PCDHGA11: variants seen among roughly 807,000 people sequenced by gnomAD.
PCDHGA11 encodes the protein protocadherin gamma subfamily A, 11, also known as protocadherin gamma-A11.
A neutral mutation model predicts 60.4 loss-of-function variants in PCDHGA11; 39 were observed. That is an observed-to-expected ratio of 0.65 (90% CI 0.50 to 0.84). The LOEUF (loss-of-function observed/expected upper bound fraction) is 0.84, where lower values mean the gene tolerates loss of function less well. PCDHGA11 is among the 40% of genes least tolerant of loss of function. PCDHGA11 has a pLI of 0.00. For synonymous variants in PCDHGA11, 533 were observed against 510.3 expected, an observed-to-expected ratio of 1.04 and a Z score of -0.60; for missense variants, 1,165 against 1,197.7, an observed-to-expected ratio of 0.97 and a Z score of 0.40.
intron 1 of PCDHGA11, among the ~76,000 whole-genome samples, chr5:141,462,203 G>A (rs544238255): frequency 2.6e-5 from 4 of 152,036 alleles, no homozygotes; most frequent in East Asian, 1.9e-4. Flanking sequence ...CAGGTGATCC[G>A]CCTGCCTCGG....
In PCDHGA11 at chr5:141,430,937, G is replaced by C. The variant is rs888990395; in HGVS notation, c.2433+7277G>C. ...CCTGGGGCTGGAGCCCCGGGAGCTC[G>C]CGGAGCGCGGAGTCCGCATCATCCC... On this transcript the variant is annotated intron_variant, in intron 1 of 3. Coordinates refer to ENST00000398587, the MANE Select transcript of PCDHGA11 (RefSeq NM_018914.3). The C allele has an allele frequency of 8.7e-6, 14 of 1,607,498 alleles. No individual in the cohort carries two copies. The highest frequency in any genetic ancestry group is 1.7e-5 in the Admixed American group (1 of 58,732).
rs767107885 is a variant in PCDHGA11 at position 141,423,138 on chromosome 5, C to A, written c.1911C>A (p.Asp637Glu). 1.9e-6 allele frequency: 3 copies of A among 1,613,606 alleles called. No individual in the cohort carries two copies. The highest frequency in any genetic ancestry group is 2.5e-6 in the Non-Finnish European group (3 of 1,179,912). Reference sequence around the variant, plus strand: ...CAGCGCGGGCACTGCTGGACAGAGACGCGCTCAAGCAGAGCCTCGTGGTGG... The same window carrying A: ...CAGCGCGGGCACTGCTGGACAGAGAAGCGCTCAAGCAGAGCCTCGTGGTGG... ...VRTARALLDRDALKQSLVVAV... is the reference protein window; with the variant it reads ...VRTARALLDREALKQSLVVAV... Residue 637 changes from aspartate to glutamate, a missense_variant, in exon 1 of 4, where the codon GAC becomes GAA. Transcript: ENST00000398587.
Position 141,431,473 on chromosome 5 carries a change from C to A in PCDHGA11, c.2433+7813C>A, listed in dbSNP as rs750300971. 16 of 1,613,714 alleles carry A rather than the reference C, an allele frequency of 9.9e-6. 1 individual carries two copies. The highest frequency in any genetic ancestry group is 9.3e-5 in the African/African-American group (7 of 74,948). On this transcript the variant is annotated intron_variant, in intron 1 of 3. Transcript: ENST00000398587. This position sits in a 1 kb window ranked among gnomAD's most constrained non-coding sequence, Gnocchi z 4.8. Reference sequence around the variant, plus strand: ...TGATGGTTCTGGATGCGAACGACAACGCACCAGCGTTTGCTCAGCCCGAGT... The same window carrying A: ...TGATGGTTCTGGATGCGAACGACAAAGCACCAGCGTTTGCTCAGCCCGAGT...
chr5:141,485,093 T>C lies in PCDHGA11; in HGVS notation c.2434-9714T>C. 1 of 1,076,296 alleles carries C rather than the reference T, an allele frequency of 9.3e-7. No homozygotes were observed. Among genetic ancestry groups the C allele is most frequent in the Non-Finnish European group, 1.4e-6 (1 of 718,118 alleles). 66.7% of individuals were successfully genotyped at this position (1,076,296 alleles called of 1,614,324 possible). ...TGGCGCGGGGAAAGGGAGATAGGTG[T>C]CTCCAGCTGCTGTGGCTGTTTGGGG... On this transcript the variant is annotated intron_variant, in intron 1 of 3. Coordinates refer to ENST00000398587, the MANE Select transcript of PCDHGA11 (RefSeq NM_018914.3). The surrounding 1 kb of genome is among the most constrained non-coding windows in gnomAD (Gnocchi z 5.7).
At chr5:141,467,055 CTT>C (rs1193465269) in intron 1 of PCDHGA11, among the ~76,000 whole-genome samples, 47 of 134,388 alleles carry the variant, frequency 3.5e-4, no homozygotes, top group Admixed American at 6.0e-4. Context: ...TCAATGTTTT[CTT>C]TTTTTTTTTT....
Position 141,422,131 on chromosome 5 carries a change from G to T in PCDHGA11, c.904G>T (p.Val302Phe), listed in dbSNP as rs747294750. 3 of 1,598,182 alleles carry T rather than the reference G, an allele frequency of 1.9e-6. No individual in the cohort carries two copies. Among genetic ancestry groups the T allele is most frequent in the Non-Finnish European group, 2.6e-6 (3 of 1,174,708 alleles). Reference sequence around the variant, plus strand: ...CCAATTGGATTCACAAACTGGAGAAGTTCAAGTACGGGGGTCTCTGGATTT... The same window carrying T: ...CCAATTGGATTCACAAACTGGAGAATTTCAAGTACGGGGGTCTCTGGATTT... Reference protein sequence around the residue: ...IFQLDSQTGEVQVRGSLDFEK... With the variant: ...IFQLDSQTGEFQVRGSLDFEK... The change falls in exon 1 of 4, where the codon GTT becomes TTT. Residue 302 changes from valine (V) to phenylalanine (F), a missense_variant. Val to Phe is a conservative substitution (Grantham distance 50). Coordinates refer to ENST00000398587, the MANE Select transcript of PCDHGA11 (RefSeq NM_018914.3).
Position 141,422,922 on chromosome 5 carries a change from C to T in PCDHGA11, c.1695C>T (p.Tyr565=), listed in dbSNP as rs1244444241. ...DQNDNAPEIL[Y]PALPTDGSTG... ...ACGACAATGCGCCCGAGATCCTGTA[C>T]CCTGCCCTCCCCACAGACGGCTCCA... The change falls in exon 1 of 4, where the codon TAC becomes TAT. Residue 565 remains tyrosine, a synonymous_variant. Coordinates refer to ENST00000398587, the MANE Select transcript of PCDHGA11 (RefSeq NM_018914.3). 1 of 1,614,130 alleles carries T rather than the reference C, an allele frequency of 6.2e-7. No homozygotes were observed. The highest frequency in any genetic ancestry group is 8.5e-7 in the Non-Finnish European group (1 of 1,180,050).
rs776211508 is a variant in PCDHGA11, at chr5:141,491,001, C to T, written c.2434-3806C>T. On this transcript the variant is annotated intron_variant, in intron 1 of 3. Transcript: ENST00000398587. The surrounding 1 kb of genome is among the most constrained non-coding windows in gnomAD (Gnocchi z 6.9). The stretch of plus-strand genomic sequence containing the variant: ...TCCCTCGCTCTGCTCCTCCTGGCTC[C>T]TTGGTCACCAAGGTGACAGCCGTGG... The T allele has an allele frequency of 6.2e-7, 1 of 1,614,140 alleles. No individual in the cohort carries two copies. Among genetic ancestry groups the T allele is most frequent in the Non-Finnish European group, 8.5e-7 (1 of 1,180,044 alleles).
At chr5:141,460,438 T>A (rs1035541143) in intron 1 of PCDHGA11, among the ~76,000 whole-genome samples, 16 of 152,172 alleles carry the variant, frequency 1.1e-4, no homozygotes, top group African/African-American at 3.1e-4. Flanking sequence ...TGGTGTGAGG[T>A]AACAATGAAG....
At chr5:141,464,580 G>A (rs1459502164) in intron 1 of PCDHGA11, among the ~76,000 whole-genome samples, 1 of 152,118 alleles carries the variant, frequency 6.6e-6, no homozygotes, top group East Asian at 1.9e-4. Context: ...AGATGAGAAT[G>A]TCCATTGTCC....
intron 1 of PCDHGA11, among the ~76,000 whole-genome samples, chr5:141,475,532 T>C (rs1011968434): frequency 6.6e-6 from 1 of 152,228 alleles, no homozygotes; most frequent in East Asian, 1.9e-4. Context: ...AAATGCCTCC[T>C]TACAAGTAGG....
chr5:141,434,727 A>C (rs1344107083), intron 1 of PCDHGA11, among the ~76,000 whole-genome samples: 1 of 152,052 alleles, frequency 6.6e-6, no homozygotes. Context: ...CAGGGCTCTC[A>C]GCTCTGAAGG....
chr5:141,455,254 G>T (rs936599726), intron 1 of PCDHGA11, among the ~76,000 whole-genome samples: 3 of 151,732 alleles, frequency 2.0e-5, no homozygotes, highest in African/African-American at 7.3e-5. Context: ...TAGTACAATC[G>T]CATTTCTTCC....
rs964965013 is a variant in PCDHGA11 at position 141,489,097 on chromosome 5, C to G, written c.2434-5710C>G. The G allele has an allele frequency of 6.4e-6, 2 of 313,448 alleles. No homozygotes were observed. The highest frequency in any genetic ancestry group is 1.1e-4 in the South Asian group (2 of 18,596). 19.4% of individuals were successfully genotyped at this position (313,448 alleles called of 1,614,324 possible). The stretch of plus-strand genomic sequence containing the variant: ...ACCCCCGCCACTCGGTGACTAAGAA[C>G]TGCTGCAAGCAGGCAAACCTCCGAG... On this transcript the variant is annotated intron_variant, in intron 1 of 3. Coordinates refer to ENST00000398587, the MANE Select transcript of PCDHGA11 (RefSeq NM_018914.3). This position sits in a 1 kb window ranked among gnomAD's most constrained non-coding sequence, Gnocchi z 4.5.
At chr5:141,470,872 T>TTTTTTG (rs900302332) in intron 1 of PCDHGA11, among the ~76,000 whole-genome samples, 2 of 151,814 alleles carry the variant, frequency 1.3e-5, no homozygotes, top group Admixed American at 1.3e-4. Context: ...GTTTGTTTGT[T>TTTTTTG]TTTTTGTTTT....
At chr5:141,492,091 C>A (rs930375969) in intron 1 of PCDHGA11, among the ~76,000 whole-genome samples, 1 of 152,242 alleles carries the variant, frequency 6.6e-6, no homozygotes, top group South Asian at 2.1e-4. Flanking sequence ...CACGCTTCGC[C>A]GGTCTGTAGA....
intron 2 of PCDHGA11, among the ~76,000 whole-genome samples, chr5:141,502,194 T>C (rs1470985683): frequency 2.6e-5 from 4 of 152,212 alleles, no homozygotes; most frequent in Non-Finnish European, 4.4e-5. Flanking sequence ...TACAATAATA[T>C]AGAATCCACC....
chr5:141,502,238 T>C (rs2099813398), intron 2 of PCDHGA11, among the ~76,000 whole-genome samples: 1 of 152,204 alleles, frequency 6.6e-6, no homozygotes, highest in Admixed American at 6.5e-5. Flanking sequence ...TGTGTTCTTT[T>C]ATCCTTTTTT....
chr5:141,453,931 G>T (rs61228273), intron 1 of PCDHGA11, among the ~76,000 whole-genome samples: 2 of 152,306 alleles, frequency 1.3e-5, no homozygotes, highest in African/African-American at 4.8e-5. Flanking sequence ...GTCACTGTGT[G>T]CCTATAATTT....
Sources: gnomAD v4.1 joint callset for allele counts (sites outside exome capture counted in the v4.1 genomes callset) on GRCh38, gnomAD v4.1.1 for gene constraint, Gnocchi (gnomAD v3.1) non-coding constraint, MANE v1.5 for transcripts, NCBI Gene and HGNC (gene_info 2026-07-23, HGNC 2026-07-21) for gene names.